NCKAP5: variants seen among roughly 807,000 people sequenced by gnomAD.
NCKAP5 encodes NCK associated protein 5, also known as nck-associated protein 5.
A neutral mutation model predicts 167.0 loss-of-function variants in NCKAP5; 92 were observed. That is an observed-to-expected ratio of 0.55 (90% confidence interval 0.47 to 0.66). The LOEUF is 0.66. Ranked by LOEUF, NCKAP5 falls within the 30% of genes least tolerant of loss-of-function variation. The pLI, the probability that NCKAP5 is intolerant of heterozygous loss-of-function variation, is 0.00. For synonymous variants in NCKAP5, 891 were observed against 877.4 expected (o/e 1.02, Z -0.27); for missense variants, 2,378 against 2,315.0 (o/e 1.03, Z -0.56).
At chr2:133,038,910 G>C (rs79892599) in intron 6 of NCKAP5, among the ~76,000 whole-genome samples, 8,582 of 152,270 alleles carry the variant, frequency 0.056, 296 homozygotes, top group Middle Eastern at 0.13. Flanking sequence ...ACCCACTATA[G>C]ATGGGGAACT....
At chr2:132,912,430 T>G (rs116214477) in intron 8 of NCKAP5, among the ~76,000 whole-genome samples, 1 of 152,210 alleles carries the variant, frequency 6.6e-6, no homozygotes, top group Admixed American at 6.5e-5. Context: ...CCTTCAACCC[T>G]CTGTGGACTA....
intron 3 of NCKAP5, among the ~76,000 whole-genome samples, chr2:133,427,215 A>G (rs1689868629): frequency 6.6e-6 from 1 of 152,246 alleles, no homozygotes; most frequent in Admixed American, 6.5e-5. Context: ...AGCATACAAC[A>G]TAAAGACTAA....
chr2:133,165,143 T>A (rs1219740660), intron 5 of NCKAP5, among the ~76,000 whole-genome samples: 1 of 152,182 alleles, frequency 6.6e-6, no homozygotes, highest in Non-Finnish European at 1.5e-5. Flanking sequence ...CATCCATCAA[T>A]GCACAGACAG....
chr2:133,131,838 A>G (rs1255675104), intron 5 of NCKAP5, among the ~76,000 whole-genome samples: 1 of 152,198 alleles, frequency 6.6e-6, no homozygotes, highest in Admixed American at 6.5e-5. Context: ...CTATAATAAA[A>G]TAAACTCTTT....
chr2:133,016,043 C>A (rs1451877412), intron 6 of NCKAP5, among the ~76,000 whole-genome samples: 1 of 150,814 alleles, frequency 6.6e-6, no homozygotes, highest in African/African-American at 2.4e-5. Context: ...AGGACATGAA[C>A]AAAAAAAATT....
intron 5 of NCKAP5, among the ~76,000 whole-genome samples, chr2:133,135,355 G>T (rs967759195): frequency 1.3e-5 from 2 of 148,718 alleles, no homozygotes; most frequent in South Asian, 4.3e-4. Context: ...GCCCAGTGTG[G>T]CTGGAAGCTG....
chr2:132,945,078 G>A (rs1006262955), intron 8 of NCKAP5, among the ~76,000 whole-genome samples: 21 of 152,122 alleles, frequency 1.4e-4, no homozygotes, highest in Admixed American at 1.1e-3. Flanking sequence ...CCCCAAGCGG[G>A]TTGAGTTGGC....
At chr2:133,368,391 T>C (rs375606421) in intron 3 of NCKAP5, among the ~76,000 whole-genome samples, 1 of 152,220 alleles carries the variant, frequency 6.6e-6, no homozygotes, top group East Asian at 1.9e-4. Flanking sequence ...AATTTGCTGA[T>C]TTTTATTTTT....
intron 10 of NCKAP5, among the ~76,000 whole-genome samples, chr2:132,868,520 A>G (rs1172798147): frequency 1.3e-5 from 2 of 152,170 alleles, no homozygotes; most frequent in Middle Eastern, 3.2e-3. Flanking sequence ...CACATTACAG[A>G]AGAGGAACTA....
At chr2:132,816,561 G>A (rs530139341) in intron 11 of NCKAP5, among the ~76,000 whole-genome samples, 1 of 152,228 alleles carries the variant, frequency 6.6e-6, no homozygotes, top group East Asian at 1.9e-4. Flanking sequence ...CGGAACACTG[G>A]CTCCCTCACA....
At chr2:133,575,775 G>A in the NCKAP5 span, among the ~76,000 whole-genome samples, 2 of 152,200 alleles carry the variant, frequency 1.3e-5, no homozygotes, top group Non-Finnish European at 2.9e-5. Context: ...TGCAGACAGG[G>A]CTGGATGAAC....
At chr2:133,518,554 C>T (rs2104757836) in intron 2 of NCKAP5, among the ~76,000 whole-genome samples, 1 of 151,484 alleles carries the variant, frequency 6.6e-6, no homozygotes, top group East Asian at 1.9e-4. Flanking sequence ...CAGGGTTTCA[C>T]CGTGTTAGCC....
intron 11 of NCKAP5, among the ~76,000 whole-genome samples, chr2:132,828,715 G>A (rs1226099804): frequency 6.6e-6 from 1 of 152,150 alleles, no homozygotes; most frequent in Non-Finnish European, 1.5e-5. Flanking sequence ...ATTATCATGG[G>A]TCACTTCAGA....
chr2:133,045,915 G>A (rs2079383258), intron 6 of NCKAP5, among the ~76,000 whole-genome samples: 1 of 152,148 alleles, frequency 6.6e-6, no homozygotes, highest in Non-Finnish European at 1.5e-5. Flanking sequence ...TTGAACACAA[G>A]CACTGAAATA....
chr2:133,595,299 C>T, the NCKAP5 span, among the ~76,000 whole-genome samples: 1 of 151,816 alleles, frequency 6.6e-6, no homozygotes, highest in African/African-American at 2.4e-5. Flanking sequence ...CATCAGGGGG[C>T]CCAGCACTAC....
At chr2:133,201,651 C>G (rs557672122) in intron 5 of NCKAP5, among the ~76,000 whole-genome samples, 1 of 152,206 alleles carries the variant, frequency 6.6e-6, no homozygotes, top group Admixed American at 6.5e-5. Context: ...ACCATATAAA[C>G]TCATCAAATT....
chr2:132,991,125 T>C (rs1412607984), intron 7 of NCKAP5, among the ~76,000 whole-genome samples: 4 of 152,166 alleles, frequency 2.6e-5, no homozygotes, highest in African/African-American at 9.7e-5. Flanking sequence ...AAAACTCTTC[T>C]AGGCTACTTC....
intron 5 of NCKAP5, among the ~76,000 whole-genome samples, chr2:133,154,254 G>A (rs112581342): frequency 7.9e-5 from 12 of 152,166 alleles, no homozygotes; most frequent in African/African-American, 1.9e-4. Context: ...AATGGGCATC[G>A]CTTTCTTCTG....
At chr2:133,247,574 G>C (rs2088062385) in intron 4 of NCKAP5, among the ~76,000 whole-genome samples, 1 of 152,098 alleles carries the variant, frequency 6.6e-6, no homozygotes, top group South Asian at 2.1e-4. Flanking sequence ...ATTCCAATCA[G>C]CCACACAAAG....
Sources: allele counts gnomAD v4.1 joint callset (sites outside exome capture counted in the v4.1 genomes callset), GRCh38; gene constraint gnomAD v4.1.1; transcripts MANE v1.5; gene names NCBI Gene and HGNC (gene_info 2026-07-23, HGNC 2026-07-21).